The following FAM171A1 variants were observed in gnomAD, a reference collection of about 807,000 sequenced individuals.
The protein encoded by FAM171A1 is protein FAM171A1.
FAM171A1 carries 23 observed loss-of-function variants against 74.9 expected under a neutral mutation model. The observed-to-expected ratio is 0.31, with a 90% CI of 0.22 to 0.44. The LOEUF (loss-of-function observed/expected upper bound fraction) is 0.44, where lower values mean the gene tolerates loss of function less well. FAM171A1 is among the 20% of genes least tolerant of loss of function. The pLI is 1.00. For synonymous variants in FAM171A1, 527 were observed against 505.7 expected (o/e 1.04, Z -0.57); for missense variants, 1,162 against 1,159.2 (o/e 1.00, Z -0.03).
Position 15,213,784 on chromosome 10 carries a change from C to T in FAM171A1, c.1804G>A (p.Val602Ile), listed in dbSNP as rs574266280. 3.0e-5 allele frequency: 48 copies of T among 1,614,084 alleles called. No individual in the cohort carries two copies. Among genetic ancestry groups the T allele is most frequent in the Admixed American group, 5.0e-5 (3 of 60,008 alleles). ...GDHSYVSQPL[V>I]VPADQQLEIE... Reference sequence around the variant, plus strand: ...TCAAGCTGCTGATCAGCCGGGACGACGAGGGGCTGGCTGACATAGGAGTGG... The same window carrying T: ...TCAAGCTGCTGATCAGCCGGGACGATGAGGGGCTGGCTGACATAGGAGTGG... Residue 602 changes from valine (V) to isoleucine (I), a missense_variant, in exon 8 of 8, where the codon GTC becomes ATC. By Grantham distance (29) the Val-to-Ile change is conservative. Coordinates refer to ENST00000378116, the MANE Select transcript of FAM171A1 (RefSeq NM_001010924.2). This position sits in a 1 kb window ranked among gnomAD's most constrained non-coding sequence, Gnocchi z 6.8.
rs191334511 is a variant in FAM171A1, at chr10:15,366,244, C to T, written c.97+4712G>A. ...AAGCAATTGTCCTGCCTTAGCCTCCCGAGTAGCTGGGATTACAGGCGCCCG... is the reference window on the plus strand; with the variant it reads ...AAGCAATTGTCCTGCCTTAGCCTCCTGAGTAGCTGGGATTACAGGCGCCCG... On this transcript the variant is annotated intron_variant, in intron 1 of 7. Coordinates refer to ENST00000378116, the MANE Select transcript of FAM171A1 (RefSeq NM_001010924.2). Among the ~76,000 whole-genome samples the T allele has an allele frequency of 5.1e-3, 777 of 152,158 alleles. 6 individuals carry two copies. The highest frequency in any genetic ancestry group is 0.023 in the South Asian group (109 of 4,800).
At chr10:15,335,155 G>A (rs1835685805) in intron 1 of FAM171A1, among the ~76,000 whole-genome samples, 1 of 152,124 alleles carries the variant, frequency 6.6e-6, no homozygotes. Flanking sequence ...GAGGCAGGAG[G>A]ATTGCTTGAG....
At chr10:15,248,519 T>G (rs1457161529) in intron 5 of FAM171A1, 120 bp downstream of exon 5, 6 of 1,050,944 alleles carry the variant, frequency 5.7e-6, no homozygotes, top group Non-Finnish European at 8.0e-6. Context: ...CACAATGCAA[T>G]GTGAGCAGCA....
intron 6 of FAM171A1, among the ~76,000 whole-genome samples, chr10:15,219,662 A>G (rs187211365): frequency 0.012 from 1,759 of 152,264 alleles, 22 homozygotes; most frequent in Middle Eastern, 0.02. Context: ...GCTCACTGCA[A>G]CCTCTGCCTC....
intron 3 of FAM171A1, among the ~76,000 whole-genome samples, chr10:15,259,731 C>T (rs1834631864): frequency 6.6e-6 from 1 of 151,976 alleles, no homozygotes; most frequent in Non-Finnish European, 1.5e-5. Flanking sequence ...TCCTATCACA[C>T]CATGCCTACC....
chr10:15,359,265 T>C (rs965071102), intron 1 of FAM171A1, among the ~76,000 whole-genome samples: 1 of 152,198 alleles, frequency 6.6e-6, no homozygotes, highest in South Asian at 2.1e-4. Flanking sequence ...CTAAACAAAC[T>C]TCACTCCTGG....
chr10:15,326,323 T>C (rs898108785), intron 1 of FAM171A1, among the ~76,000 whole-genome samples: 8 of 152,036 alleles, frequency 5.3e-5, no homozygotes, highest in African/African-American at 1.7e-4. Context: ...AATTCTTTTT[T>C]TTTTGTTTTG....
chr10:15,370,633 G>A (rs1464753603), intron 1 of FAM171A1, among the ~76,000 whole-genome samples: 10 of 151,762 alleles, frequency 6.6e-5, no homozygotes, highest in East Asian at 1.9e-4. Context: ...TGTCCGAGGC[G>A]CGGCATAAAG....
Position 15,243,650 on chromosome 10 carries a change from A to G in FAM171A1, c.754+4989T>C, listed in dbSNP as rs187503111. 5.3e-5 allele frequency among the ~76,000 whole-genome samples: 8 copies of G among 152,350 alleles called. No individual in the cohort carries two copies. The East Asian group carries it at 1.5e-3, about 29-fold the overall frequency. On this transcript the variant is annotated intron_variant, in intron 5 of 7. Transcript: ENST00000378116. The stretch of plus-strand genomic sequence containing the variant: ...AAAAGAGAAGGCAAAAATGAGAAGC[A>G]AAAAATAAACAGCAGGGATGGAGGC...
At chr10:15,276,285 A>G (rs1353149373) in intron 2 of FAM171A1, among the ~76,000 whole-genome samples, 1 of 151,592 alleles carries the variant, frequency 6.6e-6, no homozygotes, top group Non-Finnish European at 1.5e-5. Context: ...GGTTCAAGCG[A>G]TTCTCCTGCC....
At chr10:15,290,709 G>A (rs1564634331) in intron 1 of FAM171A1, among the ~76,000 whole-genome samples, 1 of 152,194 alleles carries the variant, frequency 6.6e-6, no homozygotes, top group Non-Finnish European at 1.5e-5. Context: ...GTGGTCAGGG[G>A]AGGCCTTCTT....
At chr10:15,298,018 C>G (rs1026380945) in intron 1 of FAM171A1, among the ~76,000 whole-genome samples, 1 of 152,154 alleles carries the variant, frequency 6.6e-6, no homozygotes, top group Non-Finnish European at 1.5e-5. Context: ...TGTTCAAAAG[C>G]AAAATTAATG....
intron 1 of FAM171A1, among the ~76,000 whole-genome samples, chr10:15,358,292 A>C (rs920612839): frequency 1.3e-5 from 2 of 152,174 alleles, no homozygotes; most frequent in Admixed American, 6.6e-5. Flanking sequence ...TTTTTTAAAA[A>C]GAAAGAAAAA....
rs369654477 is a variant in FAM171A1 at position 15,270,499 on chromosome 10, C to T, written c.418+5356G>A. Among the ~76,000 whole-genome samples the T allele has an allele frequency of 3.9e-5, 6 of 152,324 alleles. No individual in the cohort carries two copies. The East Asian group carries it at 9.6e-4, about 24-fold the overall frequency. ...CAGCAGAAACTTCTGCAGACTTAAA[C>T]GTCCCTGTTTGACAGCTCTGAACAG... On this transcript the variant is annotated intron_variant, in intron 3 of 7. Transcript: ENST00000378116.
At chr10:15,288,371 T>C (rs923094407) in intron 1 of FAM171A1, among the ~76,000 whole-genome samples, 8 of 152,294 alleles carry the variant, frequency 5.3e-5, no homozygotes, top group East Asian at 1.9e-4. Context: ...GTAAGTTTTT[T>C]AGTGGTGATT....
At chr10:15,216,541 CT>C (rs1025812534) in intron 6 of FAM171A1, among the ~76,000 whole-genome samples, 1 of 152,146 alleles carries the variant, frequency 6.6e-6, no homozygotes, top group African/African-American at 2.4e-5. Flanking sequence ...ATCAATCCTC[CT>C]GCCTCAGCCT....
intron 2 of FAM171A1, among the ~76,000 whole-genome samples, chr10:15,281,688 C>A (rs1048646324): frequency 2.2e-4 from 34 of 152,130 alleles, no homozygotes; most frequent in African/African-American, 8.0e-4. Flanking sequence ...ATGGCAAAAC[C>A]CCATCTCCAT....
intron 1 of FAM171A1, among the ~76,000 whole-genome samples, chr10:15,338,985 C>T (rs1440673550): frequency 6.6e-5 from 10 of 152,170 alleles, no homozygotes; most frequent in East Asian, 1.9e-4. Context: ...GTGATCCACC[C>T]GCCTTGGCCT....
intron 1 of FAM171A1, among the ~76,000 whole-genome samples, chr10:15,307,312 T>TAC (rs993425227): frequency 2.0e-5 from 3 of 152,052 alleles, no homozygotes; most frequent in African/African-American, 7.2e-5. Flanking sequence ...TAACAGGCCA[T>TAC]ACACAGGATC....
Sources: gnomAD v4.1 joint callset for allele counts (sites outside exome capture counted in the v4.1 genomes callset) on GRCh38, gnomAD v4.1.1 for gene constraint, Gnocchi (gnomAD v3.1) non-coding constraint, MANE v1.5 for transcripts, NCBI Gene and HGNC (gene_info 2026-07-23, HGNC 2026-07-21) for gene names.